CBFA2T3: variants seen among roughly 807,000 people sequenced by gnomAD.
The protein encoded by CBFA2T3 is transcriptional corepressor CBFA2T3.
CBFA2T3 carries 31 observed loss-of-function variants against 58.6 expected under a neutral mutation model. The observed-to-expected ratio is 0.53, with a 90% confidence interval of 0.40 to 0.71. The LOEUF is 0.71. Among genes scored for constraint, CBFA2T3 ranks in the 30% least tolerant of loss-of-function variants. The pLI is 0.00. For synonymous variants in CBFA2T3, 531 were observed against 421.9 expected (o/e 1.26, Z -3.17); for missense variants, 1,076 against 963.1 (o/e 1.12, Z -1.55).
intron 1 of CBFA2T3, among the ~76,000 whole-genome samples, chr16:88,912,099 C>T (rs1412747632): frequency 6.6e-6 from 1 of 152,260 alleles, no homozygotes; most frequent in African/African-American, 2.4e-5. Flanking sequence ...CAGGGCTTCC[C>T]GTTGGAAGGT....
rs375156911 is a variant in CBFA2T3 at position 88,909,792 on chromosome 16, C to T, written c.152-8136G>A. 3.3e-4 allele frequency among the ~76,000 whole-genome samples: 50 copies of T among 152,314 alleles called. No individual in the cohort carries two copies. In the East Asian group the frequency reaches 7.3e-3, roughly 22 times the overall value. On this transcript the variant is annotated intron_variant, in intron 1 of 11. Coordinates refer to ENST00000268679, the MANE Select transcript of CBFA2T3 (RefSeq NM_005187.6). ...CCTGAGAGGTGAGGTCATCTGAGGT[C>T]ACTGGCCACGGCCGTGCAGTGAGTG...
intron 1 of CBFA2T3, among the ~76,000 whole-genome samples, chr16:88,904,766 G>C (rs1330940095): frequency 6.6e-6 from 1 of 152,224 alleles, no homozygotes; most frequent in African/African-American, 2.4e-5. Context: ...GACCTCACGG[G>C]TGTCTGTTGA....
At chr16:88,942,868 G>A (rs1236967087) in intron 1 of CBFA2T3, among the ~76,000 whole-genome samples, 1 of 150,696 alleles carries the variant, frequency 6.6e-6, no homozygotes, top group Non-Finnish European at 1.5e-5. Context: ...GTAACATGGT[G>A]CTTGCCCATG....
chr16:88,966,005 C>T (rs1188885189), intron 1 of CBFA2T3, among the ~76,000 whole-genome samples: 1 of 152,232 alleles, frequency 6.6e-6, no homozygotes, highest in Non-Finnish European at 1.5e-5. Flanking sequence ...GCAGCAGGAA[C>T]AGAGAGACCC....
chr16:88,972,184 G>C (rs1358472497), intron 1 of CBFA2T3, among the ~76,000 whole-genome samples: 1 of 152,162 alleles, frequency 6.6e-6, no homozygotes, highest in Non-Finnish European at 1.5e-5. Flanking sequence ...CAGCCACTGA[G>C]GCCTCAGGGA....
intron 1 of CBFA2T3, among the ~76,000 whole-genome samples, chr16:88,916,106 G>A (rs547283462): frequency 2.6e-4 from 40 of 151,536 alleles, no homozygotes; most frequent in East Asian, 1.2e-3. Flanking sequence ...GTGCATGGGT[G>A]TGTGTCCGTG....
At chr16:88,896,842 G>A (rs987376059) in intron 3 of CBFA2T3, among the ~76,000 whole-genome samples, 29 of 152,312 alleles carry the variant, frequency 1.9e-4, no homozygotes, top group African/African-American at 6.0e-4. Flanking sequence ...CCTTGCCCCG[G>A]GTGCCTGGTC....
chr16:88,880,414 C>T (rs2272438), intron 10 of CBFA2T3, among the ~76,000 whole-genome samples: 32,922 of 152,222 alleles, frequency 0.22, 4,254 homozygotes, highest in Non-Finnish European at 0.29. Context: ...CCCCGCGTGC[C>T]TGACGCGCCC....
intron 3 of CBFA2T3, among the ~76,000 whole-genome samples, chr16:88,894,190 C>T (rs552651894): frequency 6.7e-6 from 1 of 150,050 alleles, no homozygotes; most frequent in East Asian, 2.0e-4. Context: ...CATACATATA[C>T]ACATGCACAC....
intron 1 of CBFA2T3, among the ~76,000 whole-genome samples, chr16:88,930,274 T>C (rs1008371563): frequency 6.7e-6 from 1 of 149,726 alleles, no homozygotes; most frequent in Non-Finnish European, 1.5e-5. Context: ...AGCTGCGTGG[T>C]CCACGCAAAA....
At chr16:88,896,342 CT>C in intron 3 of CBFA2T3, among the ~76,000 whole-genome samples, 1 of 152,350 alleles carries the variant, frequency 6.6e-6, no homozygotes, top group Admixed American at 6.5e-5. Context: ...GTCTGCGCCC[CT>C]GGCTTGAACG....
chr16:88,912,921 T>C (rs930671787), intron 1 of CBFA2T3, among the ~76,000 whole-genome samples: 2 of 152,184 alleles, frequency 1.3e-5, no homozygotes, highest in African/African-American at 4.8e-5. Context: ...AAGGAGCTAA[T>C]TGAGTCTGTC....
At chr16:88,945,850 A>C (rs985354308) in intron 1 of CBFA2T3, among the ~76,000 whole-genome samples, 16 of 152,222 alleles carry the variant, frequency 1.1e-4, no homozygotes, top group Non-Finnish European at 5.9e-5. Context: ...TAATGTCCAC[A>C]CAAAACCCTG....
rs757081939 is a variant in CBFA2T3 at position 88,886,090 on chromosome 16, T to C, written c.764A>G (p.Lys255Arg). The C allele has an allele frequency of 5.7e-6, 9 of 1,590,718 alleles. No individual in the cohort carries two copies. Among genetic ancestry groups the C allele is most frequent in the Non-Finnish European group, 7.7e-6 (9 of 1,175,764 alleles). The change falls in exon 6 of 12, where the codon AAG becomes AGG. Residue 255 changes from lysine to arginine, a missense_variant. Transcript: ENST00000268679. ...GGCCAAGTACTGGGCGGGCGTCTGC[T>C]TGGCCAGGCGTGCACAGTGCAGGAG... Reference protein sequence around the residue: ...RELLHCARLAKQTPAQYLAQH... With the variant: ...RELLHCARLARQTPAQYLAQH...
At chr16:88,972,141 G>A (rs1972670956) in intron 1 of CBFA2T3, among the ~76,000 whole-genome samples, 1 of 152,186 alleles carries the variant, frequency 6.6e-6, no homozygotes, top group Admixed American at 6.5e-5. Flanking sequence ...GTGTGGGGAT[G>A]GGCTGGTATG....
At chr16:88,957,612 A>C (rs1597790004) in intron 1 of CBFA2T3, 1 of 152,272 alleles carries the variant, frequency 6.6e-6, no homozygotes. Context: ...AGCTGTGGTG[A>C]GACAAGGTTC....
intron 1 of CBFA2T3, among the ~76,000 whole-genome samples, chr16:88,950,028 G>C (rs1397402736): frequency 2.0e-5 from 3 of 151,218 alleles, no homozygotes; most frequent in Non-Finnish European, 4.4e-5. Flanking sequence ...GAAAACGAAG[G>C]AACGAAAACC....
At position 88,876,954 on chromosome 16, in the gene CBFA2T3, G is replaced by C; in HGVS notation, c.*22C>G. ...GTGGGGTTGGCACGGTGCTGTGTCC[G>C]GCAGGCCAGGGGCCAGTGGGGTCAG... On this transcript the variant is annotated 3_prime_UTR_variant, in exon 12 of 12. Coordinates refer to ENST00000268679, the MANE Select transcript of CBFA2T3 (RefSeq NM_005187.6). The C allele has an allele frequency of 7.1e-7, 1 of 1,409,222 alleles. No individual in the cohort carries two copies. The highest frequency in any genetic ancestry group is 9.2e-7 in the Non-Finnish European group (1 of 1,085,976). The allele number at this position is 1,409,222 out of a possible 1,614,324, so 87.3% of individuals were successfully genotyped here.
chr16:88,888,925 C>T (rs1040365199), intron 5 of CBFA2T3, among the ~76,000 whole-genome samples: 17 of 151,790 alleles, frequency 1.1e-4, no homozygotes, highest in African/African-American at 2.2e-4. Flanking sequence ...GGGCCGCGGG[C>T]GGCACCTGCT....
Sources: allele counts gnomAD v4.1 joint callset (sites outside exome capture counted in the v4.1 genomes callset), GRCh38; gene constraint gnomAD v4.1.1; transcripts MANE v1.5; gene names NCBI Gene and HGNC (gene_info 2026-07-23, HGNC 2026-07-21).